The following DRC1 variants were observed in gnomAD, a reference collection of about 807,000 sequenced individuals.
DRC1 encodes the protein dynein regulatory complex protein 1.
In DRC1, 74 loss-of-function variants were observed where a neutral mutation model predicts 98.7. That is an observed-to-expected ratio of 0.75 (90% CI 0.62 to 0.91). DRC1 has a LOEUF of 0.91. DRC1 is among the 40% of genes least tolerant of loss of function. DRC1 has a pLI of 0.00. For synonymous variants in DRC1, 336 were observed against 334.1 expected, an observed-to-expected ratio of 1.01 and a Z score of -0.06; for missense variants, 875 against 886.0, an observed-to-expected ratio of 0.99 and a Z score of 0.16.
chr2:26,425,713 T>G (rs1342670274), intron 4 of DRC1, among the ~76,000 whole-genome samples: 4 of 152,242 alleles, frequency 2.6e-5, no homozygotes, highest in Non-Finnish European at 5.9e-5. Flanking sequence ...GTCACTTGTA[T>G]ATCATCTTTG....
At position 26,444,221 on chromosome 2, in the gene DRC1, G is replaced by A; in HGVS notation, c.1029-1G>A. On this transcript the variant is annotated splice_acceptor_variant, in intron 8 of 16. Transcript: ENST00000288710. LOFTEE classifies it high-confidence loss of function. ...GACTAACCTTTTTCTCCTTCAACCA[G>A]CCTGCATGATATACTTAACAATCTG... The A allele has an allele frequency of 6.2e-7, 1 of 1,614,014 alleles. No homozygotes were observed. Among genetic ancestry groups the A allele is most frequent in the African/African-American group, 1.3e-5 (1 of 75,014 alleles).
chr2:26,448,399 C>A, intron 10 of DRC1: 1 of 569,838 alleles, frequency 1.8e-6, no homozygotes, highest in Non-Finnish European at 3.4e-6. Context: ...TGGTTCATGG[C>A]TGGATTTTGA....
chr2:26,455,264 G>A, intron 16 of DRC1, 31 bp downstream of exon 16: 1 of 1,602,542 alleles, frequency 6.2e-7, no homozygotes, highest in Non-Finnish European at 8.5e-7. Flanking sequence ...AGGAGGGGCA[G>A]CGGGAGACAC....
At chr2:26,442,846 A>G (rs1472249666) in intron 8 of DRC1, among the ~76,000 whole-genome samples, 1 of 152,148 alleles carries the variant, frequency 6.6e-6, no homozygotes, top group African/African-American at 2.4e-5. Context: ...TTCCTCTTGC[A>G]GCCATTCTTC....
intron 11 of DRC1, among the ~76,000 whole-genome samples, chr2:26,449,282 C>T (rs1180417805): frequency 6.6e-6 from 1 of 152,228 alleles, no homozygotes; most frequent in Non-Finnish European, 1.5e-5. Context: ...GCTGGTTCAG[C>T]TGGAGGTTGG....
At chr2:26,440,356 T>C (rs1336116672) in intron 7 of DRC1, 22 bp from the exon 8 acceptor site, 3 of 1,588,648 alleles carry the variant, frequency 1.9e-6, no homozygotes, top group Non-Finnish European at 2.6e-6. Flanking sequence ...TATATATATA[T>C]ATATAGTTTT....
At chr2:26,443,048 A>G (rs1663757893) in intron 8 of DRC1, among the ~76,000 whole-genome samples, 1 of 152,162 alleles carries the variant, frequency 6.6e-6, no homozygotes, top group Admixed American at 6.5e-5. Flanking sequence ...TAGTTAAGGA[A>G]ATGGGTTAGC....
At position 26,454,775 on chromosome 2, in the gene DRC1, C is replaced by A; in HGVS notation, c.2048C>A (p.Ala683Asp). The change falls in exon 15 of 17, where the codon GCC becomes GAC. Residue 683 changes from alanine to aspartate, a missense_variant. By Grantham distance (126) the Ala-to-Asp change is moderately radical (BLOSUM62 -2). Transcript: ENST00000288710. The surrounding 1 kb of genome is among the most constrained non-coding windows in gnomAD (Gnocchi z 5.2). ...KQNLWDALYT[A>D]LEKYHLVLTQ... ...AACCTCTGGGATGCCCTCTACACAG[C>A]CTTGGAGAAGTACCAGTAAGTGTGC... The A allele has an allele frequency of 6.2e-7, 1 of 1,614,116 alleles. No individual in the cohort carries two copies. The highest frequency in any genetic ancestry group is 8.5e-7 in the Non-Finnish European group (1 of 1,179,992).
intron 7 of DRC1, among the ~76,000 whole-genome samples, chr2:26,433,352 G>A (rs1663488190): frequency 6.6e-6 from 1 of 152,114 alleles, no homozygotes; most frequent in Non-Finnish European, 1.5e-5. Context: ...CCTGTTACTT[G>A]ATATCATGAA....
intron 2 of DRC1, among the ~76,000 whole-genome samples, chr2:26,418,806 ATATAT>A (rs1300120017): frequency 7.5e-6 from 1 of 133,450 alleles, no homozygotes; most frequent in Admixed American, 8.6e-5. Flanking sequence ...ATACATTATA[ATATAT>A]TGTATAGTAT....
intron 7 of DRC1, among the ~76,000 whole-genome samples, chr2:26,434,203 G>A (rs1558446392): frequency 6.6e-6 from 1 of 152,140 alleles, no homozygotes; most frequent in Non-Finnish European, 1.5e-5. Context: ...TTTGGATGAT[G>A]GGTAAAGTAC....
Position 26,454,818 on chromosome 2 carries a change from G to A in DRC1, c.2063+28G>A. On this transcript the variant is annotated intron_variant, in intron 15 of 16. Transcript: ENST00000288710. This position sits in a 1 kb window ranked among gnomAD's most constrained non-coding sequence, Gnocchi z 5.2. ...AAGTGTGCATGTCATGGAGCAGGAG[G>A]GTGCTGGCGGGCAGGTGAGGAACGG... 1 of 1,613,276 alleles carries A rather than the reference G, an allele frequency of 6.2e-7. No individual in the cohort carries two copies. Among genetic ancestry groups the A allele is most frequent in the Admixed American group, 1.7e-5 (1 of 59,946 alleles).
At chr2:26,427,996 A>T (rs556421887) in intron 4 of DRC1, among the ~76,000 whole-genome samples, 5 of 152,336 alleles carry the variant, frequency 3.3e-5, no homozygotes, top group African/African-American at 1.2e-4. Flanking sequence ...ACTTAGGTTG[A>T]TTCCAATTCT....
chr2:26,416,787 T>C (rs1482324932), intron 2 of DRC1, among the ~76,000 whole-genome samples: 1 of 152,240 alleles, frequency 6.6e-6, no homozygotes, highest in Admixed American at 6.5e-5. Flanking sequence ...TGTCTGTCTG[T>C]ATTAGTTCAT....
intron 4 of DRC1, among the ~76,000 whole-genome samples, chr2:26,427,171 C>CA (rs1309187683): frequency 6.6e-6 from 1 of 152,056 alleles, no homozygotes; most frequent in Non-Finnish European, 1.5e-5. Context: ...GGCTGGAGTG[C>CA]AGTAGACTGA....
At chr2:26,410,822 A>AACAC (rs1678583558) in intron 1 of DRC1, among the ~76,000 whole-genome samples, 1 of 143,946 alleles carries the variant, frequency 6.9e-6, no homozygotes, top group African/African-American at 2.9e-5. Flanking sequence ...AAACAAAACA[A>AACAC]AACACAACAA....
chr2:26,436,291 C>T (rs1663569290), intron 7 of DRC1, among the ~76,000 whole-genome samples: 1 of 152,100 alleles, frequency 6.6e-6, no homozygotes, highest in Non-Finnish European at 1.5e-5. Flanking sequence ...TGTTCATGTT[C>T]TTTGCCCACC....
In DRC1 at chr2:26,421,270, T is replaced by C. The variant is rs1372174389; in HGVS notation, c.244-18T>C. The C allele has an allele frequency of 6.2e-7, 1 of 1,608,506 alleles. No individual in the cohort carries two copies. The highest frequency in any genetic ancestry group is 8.5e-7 in the Non-Finnish European group (1 of 1,176,450). On this transcript the variant is annotated intron_variant, in intron 2 of 16. Transcript: ENST00000288710. ...CAAAGTGTTCTAGCTTTGTAAATTC[T>C]TATATCTCTCTTTTTAGAAATTGGC...
intron 14 of DRC1, 40 bp downstream of exon 14, chr2:26,453,589 C>G: frequency 6.3e-7 from 1 of 1,588,138 alleles, no homozygotes; most frequent in Non-Finnish European, 8.6e-7. Context: ...AGACCAGAAC[C>G]AGGGGAGCTG....
Sources: gnomAD v4.1 joint callset for allele counts (sites outside exome capture counted in the v4.1 genomes callset) on GRCh38, gnomAD v4.1.1 for gene constraint, Gnocchi (gnomAD v3.1) non-coding constraint, MANE v1.5 for transcripts, NCBI Gene and HGNC (gene_info 2026-07-23, HGNC 2026-07-21) for gene names.